The following NELL1 variants were observed in gnomAD, a reference collection of about 807,000 sequenced individuals.
NELL1 encodes neural EGFL like 1.
A neutral mutation model predicts 107.4 loss-of-function variants in NELL1; 76 were observed. The observed-to-expected ratio is 0.71, with a 90% CI of 0.59 to 0.86. The LOEUF (loss-of-function observed/expected upper bound fraction) is 0.86. NELL1 is among the 40% of genes least tolerant of loss of function. The pLI is 0.00. For synonymous variants in NELL1, 353 were observed against 341.2 expected, an observed-to-expected ratio of 1.03 and a Z score of -0.38; for missense variants, 1,024 against 1,005.5, an observed-to-expected ratio of 1.02 and a Z score of -0.25.
At chr11:20,954,458 C>A (rs984756209) in intron 11 of NELL1, among the ~76,000 whole-genome samples, 5 of 152,156 alleles carry the variant, frequency 3.3e-5, no homozygotes, top group African/African-American at 1.2e-4. Context: ...TTTTTTCCTG[C>A]TCACATCTGA....
rs1439173011 is a variant in NELL1, at chr11:20,753,427, TA to T, written c.185-30252del. On this transcript the variant is annotated intron_variant, in intron 2 of 19. Coordinates refer to ENST00000357134, the MANE Select transcript of NELL1 (RefSeq NM_006157.5). The stretch of plus-strand genomic sequence containing the variant: ...AGTTCAAGAATACACTCATATGTCA[TA>T]TTTTTTTTCCTCATGGCTTTTTGAA... 1.6e-4 allele frequency among the ~76,000 whole-genome samples: 10 copies of T among 63,872 alleles called. No individual in the cohort carries two copies. The East Asian group carries it at 7.1e-3, about 45-fold the overall frequency. The allele number at this position is 63,872 out of a possible 152,430, so 41.9% of individuals were successfully genotyped here. A position where few individuals can be genotyped will look rare whatever the true frequency, so the allele number is the denominator to read the frequency against.
chr11:21,214,811 TTGAG>T (rs1857579232), intron 13 of NELL1, among the ~76,000 whole-genome samples: 1 of 151,880 alleles, frequency 6.6e-6, no homozygotes, highest in Non-Finnish European at 1.5e-5. Context: ...GTGGGAAAGG[TTGAG>T]TGGGTGCAAA....
chr11:21,323,532 A>G (rs759646359), intron 14 of NELL1, among the ~76,000 whole-genome samples: 2 of 152,050 alleles, frequency 1.3e-5, no homozygotes, highest in South Asian at 2.1e-4. Flanking sequence ...ATTTATATCT[A>G]TTGGGTTTTC....
intron 16 of NELL1, among the ~76,000 whole-genome samples, chr11:21,540,044 AT>A (rs1371039573): frequency 6.6e-6 from 1 of 151,882 alleles, no homozygotes; most frequent in African/African-American, 2.4e-5. Context: ...GTTTAAGTGT[AT>A]TTTTTATAAA....
intron 15 of NELL1, among the ~76,000 whole-genome samples, chr11:21,412,035 A>T (rs1419921538): frequency 6.6e-6 from 1 of 152,112 alleles, no homozygotes; most frequent in Admixed American, 6.6e-5. Flanking sequence ...AGTAGGAGAC[A>T]TAAATTTGTG....
At chr11:21,018,054 G>A (rs935558426) in intron 12 of NELL1, among the ~76,000 whole-genome samples, 1 of 152,050 alleles carries the variant, frequency 6.6e-6, no homozygotes, top group African/African-American at 2.4e-5. Context: ...TGAGATCCTA[G>A]GCACAATTTG....
intron 15 of NELL1, among the ~76,000 whole-genome samples, chr11:21,377,700 AAATT>A (rs1321579155): frequency 6.6e-6 from 1 of 152,044 alleles, no homozygotes; most frequent in East Asian, 1.9e-4. Flanking sequence ...ATTTTATTAT[AAATT>A]CAGTTTTGGA....
At chr11:21,246,923 A>C (rs1565129147) in intron 14 of NELL1, among the ~76,000 whole-genome samples, 1 of 152,132 alleles carries the variant, frequency 6.6e-6, no homozygotes, top group South Asian at 2.1e-4. Flanking sequence ...GTATGGGGGA[A>C]CCGCCCCCAT....
In NELL1 at chr11:20,669,891, G is replaced by T; in HGVS notation, c.55+113G>T. On this transcript the variant is annotated intron_variant, in intron 1 of 19. Transcript: ENST00000357134. This position sits in a 1 kb window ranked among gnomAD's most constrained non-coding sequence, Gnocchi z 4.4. The stretch of plus-strand genomic sequence containing the variant: ...TGCGCTGGTCTGGGGAACGGCGGTA[G>T]CGTGGACCGGTTCCTGGGATCTCTT... 2 of 849,076 alleles carry T rather than the reference G, an allele frequency of 2.4e-6. No individual in the cohort carries two copies. The allele number at this position is 849,076 out of a possible 1,614,324, so 52.6% of individuals were successfully genotyped here. A position where few individuals can be genotyped will look rare whatever the true frequency, so the allele number is the denominator to read the frequency against.
Position 21,091,489 on chromosome 11 carries a change from T to C in NELL1, c.1301-22100T>C, listed in dbSNP as rs140181621. Among the ~76,000 whole-genome samples the C allele has an allele frequency of 1.4e-4, 22 of 152,350 alleles. No homozygotes were observed. The East Asian group carries it at 1.5e-3, about 11-fold the overall frequency. ...CAGATATTTTTAAATTTTTAATGCA[T>C]TTTCAACTAACAGACTAGGCAAATA... On this transcript the variant is annotated intron_variant, in intron 12 of 19. Coordinates refer to ENST00000357134, the MANE Select transcript of NELL1 (RefSeq NM_006157.5).
At chr11:20,719,589 C>G (rs916395474) in intron 2 of NELL1, among the ~76,000 whole-genome samples, 2 of 152,168 alleles carry the variant, frequency 1.3e-5, no homozygotes, top group African/African-American at 2.4e-5. Flanking sequence ...AAACAGATCT[C>G]TAGTTCATTG....
rs1279787405 is a variant in NELL1, at chr11:21,202,149, T to C, written c.1427-27183T>C. ...GAGGACATTGGCCTCATAAAATGAG[T>C]TAGAGAGGATTCCCTCTTTTTCTGT... On this transcript the variant is annotated intron_variant, in intron 13 of 19. Coordinates refer to ENST00000357134, the MANE Select transcript of NELL1 (RefSeq NM_006157.5). 3.3e-5 allele frequency among the ~76,000 whole-genome samples: 5 copies of C among 152,324 alleles called. No individual in the cohort carries two copies. In the South Asian group the frequency reaches 1.0e-3, roughly 32 times the overall value.
At chr11:20,730,026 T>C (rs991867421) in intron 2 of NELL1, among the ~76,000 whole-genome samples, 2 of 152,150 alleles carry the variant, frequency 1.3e-5, no homozygotes, top group African/African-American at 2.4e-5. Context: ...AGGAGGACAC[T>C]TGGCTTCGCT....
chr11:21,382,812 G>A (rs915399477), intron 15 of NELL1, among the ~76,000 whole-genome samples: 1 of 151,898 alleles, frequency 6.6e-6, no homozygotes, highest in African/African-American at 2.4e-5. Context: ...AGCAGATCCT[G>A]CTTCTCACCA....
intron 3 of NELL1, among the ~76,000 whole-genome samples, chr11:20,847,247 A>G (rs1848716355): frequency 6.6e-6 from 1 of 152,170 alleles, no homozygotes; most frequent in Non-Finnish European, 1.5e-5. Context: ...TTCCACATGA[A>G]TGGCCTGTTT....
At chr11:20,876,763 AAAAAC>A (rs376339320) in intron 4 of NELL1, among the ~76,000 whole-genome samples, 281 of 152,186 alleles carry the variant, frequency 1.8e-3, no homozygotes, top group African/African-American at 6.4e-3. Flanking sequence ...ACTCCATCTC[AAAAAC>A]AAAACAAAAC....
chr11:20,991,475 T>A (rs10833430), intron 12 of NELL1, among the ~76,000 whole-genome samples: 308 of 152,234 alleles, frequency 2.0e-3, no homozygotes, highest in African/African-American at 6.8e-3. Flanking sequence ...GAGGAGTAAA[T>A]GGAGGCCCTG....
chr11:21,478,204 C>CTCACTA (rs2133895662), intron 15 of NELL1, among the ~76,000 whole-genome samples: 1 of 152,184 alleles, frequency 6.6e-6, no homozygotes, highest in East Asian at 1.9e-4. Flanking sequence ...TGATAAATCC[C>CTCACTA]TCACTATCAA....
chr11:21,272,494 A>G (rs966805116), intron 14 of NELL1, among the ~76,000 whole-genome samples: 5 of 152,226 alleles, frequency 3.3e-5, no homozygotes, highest in Middle Eastern at 3.2e-3. Context: ...ACAGCCAAAG[A>G]AAAGTCAGCA....
Sources: allele counts gnomAD v4.1 joint callset (sites outside exome capture counted in the v4.1 genomes callset), GRCh38; gene constraint gnomAD v4.1.1; non-coding constraint Gnocchi (gnomAD v3.1); transcripts MANE v1.5; gene names NCBI Gene and HGNC (gene_info 2026-07-23, HGNC 2026-07-21).